Variants in TOGARAM1 observed in about 807,000 individuals in gnomAD.
TOGARAM1 encodes the protein TOG array regulator of axonemal microtubules protein 1.
Under a neutral mutation model 166.6 loss-of-function variants are expected in TOGARAM1, and 100 were observed. That is an observed-to-expected ratio of 0.60 (90% CI 0.51 to 0.71). The LOEUF (loss-of-function observed/expected upper bound fraction) is 0.71. TOGARAM1 is among the 30% of genes least tolerant of loss of function. The pLI is 0.00. For missense variants in TOGARAM1, 2,029 were observed against 2,102.7 expected (o/e 0.96, Z 0.69); for synonymous variants, 758 against 763.8 (o/e 0.99, Z 0.13).
chr14:45,039,249 C>T (rs890149372), intron 11 of TOGARAM1, among the ~76,000 whole-genome samples: 2 of 152,160 alleles, frequency 1.3e-5, no homozygotes, highest in Non-Finnish European at 2.9e-5. Flanking sequence ...CAGACTCTGG[C>T]TGAGTCCAGG....
intron 1 of TOGARAM1, among the ~76,000 whole-genome samples, chr14:44,968,215 A>T (rs898534101): frequency 1.1e-4 from 16 of 152,194 alleles, no homozygotes; most frequent in Non-Finnish European, 1.9e-4. Flanking sequence ...TGTGCAGTTT[A>T]AAAAAAGTAT....
chr14:45,056,397 A>G (rs950642681), intron 16 of TOGARAM1, among the ~76,000 whole-genome samples: 1 of 152,122 alleles, frequency 6.6e-6, no homozygotes, highest in African/African-American at 2.4e-5. Flanking sequence ...TAGGACTTAT[A>G]GTACTGTGTT....
chr14:44,991,860 G>A (rs1887152623), intron 1 of TOGARAM1, among the ~76,000 whole-genome samples: 1 of 151,580 alleles, frequency 6.6e-6, no homozygotes, highest in Admixed American at 6.6e-5. Flanking sequence ...TATTTCTATA[G>A]TTTGCATTTT....
At position 45,071,734 on chromosome 14, in the gene TOGARAM1, A is replaced by C. The variant is rs748149457; in HGVS notation, c.4992A>C (p.Pro1664=). The change falls in exon 19 of 20, where the codon CCA becomes CCC. Residue 1664 remains proline, a synonymous_variant. Coordinates refer to ENST00000361462, the MANE Select transcript of TOGARAM1 (RefSeq NM_001308120.2). ...QHVDNYLLLQ[P]FCTKAQFLNG... Reference sequence around the variant, plus strand: ...TAGACAATTACTTACTTCTACAGCCATTTTGCACAAAAGCTCAGTTTTTAA... The same window carrying C: ...TAGACAATTACTTACTTCTACAGCCCTTTTGCACAAAAGCTCAGTTTTTAA... 1 of 1,612,526 alleles carries C rather than the reference A, an allele frequency of 6.2e-7. No individual in the cohort carries two copies. Among genetic ancestry groups the C allele is most frequent in the Non-Finnish European group, 8.5e-7 (1 of 1,179,520 alleles).
intron 3 of TOGARAM1, among the ~76,000 whole-genome samples, chr14:45,003,088 A>C (rs1274571710): frequency 1.3e-5 from 2 of 152,226 alleles, no homozygotes; most frequent in Non-Finnish European, 2.9e-5. Flanking sequence ...GAGGAAACTG[A>C]AAGTTTTAAT....
At chr14:45,030,777 A>G (rs946557642) in intron 10 of TOGARAM1, among the ~76,000 whole-genome samples, 3 of 152,294 alleles carry the variant, frequency 2.0e-5, no homozygotes, top group Admixed American at 6.5e-5. Flanking sequence ...ATTCTGTCTT[A>G]TACCTCTTTA....
At chr14:44,996,941 C>T (rs1887441094) in intron 2 of TOGARAM1, 2 of 152,280 alleles carry the variant, frequency 1.3e-5, no homozygotes, top group Admixed American at 6.5e-5. Context: ...CAGGCCTCAC[C>T]TACCTCCAAC....
At chr14:45,003,878 T>C (rs1255212768) in intron 3 of TOGARAM1, among the ~76,000 whole-genome samples, 183 bp from the exon 4 acceptor site, 1 of 145,044 alleles carries the variant, frequency 6.9e-6, no homozygotes, top group Non-Finnish European at 1.5e-5. Flanking sequence ...TAAAGAAGTT[T>C]TGAATTAGAA....
chr14:45,001,832 C>G (rs1437840848), intron 3 of TOGARAM1, among the ~76,000 whole-genome samples: 1 of 152,034 alleles, frequency 6.6e-6, no homozygotes, highest in African/African-American at 2.4e-5. Flanking sequence ...TAAAAGCTAC[C>G]CTTTCAGATA....
At chr14:45,000,134 G>A (rs973782369) in intron 3 of TOGARAM1, among the ~76,000 whole-genome samples, 1 of 152,062 alleles carries the variant, frequency 6.6e-6, no homozygotes, top group African/African-American at 2.4e-5. Flanking sequence ...GACTAGCTGG[G>A]ACTACAGGTA....
intron 13 of TOGARAM1, among the ~76,000 whole-genome samples, 169 bp downstream of exon 13, chr14:45,045,039 A>T (rs540218101): frequency 6.6e-6 from 1 of 152,258 alleles, no homozygotes; most frequent in East Asian, 1.9e-4. Flanking sequence ...GAAAAGAATA[A>T]TTTTTTATTA....
At chr14:45,027,899 T>C (rs1026596853) in intron 9 of TOGARAM1, among the ~76,000 whole-genome samples, 2 of 151,998 alleles carry the variant, frequency 1.3e-5, no homozygotes, top group African/African-American at 4.8e-5. Context: ...GAAATTTTGA[T>C]TCTTAATCAT....
intron 1 of TOGARAM1, among the ~76,000 whole-genome samples, chr14:44,970,347 T>C (rs964626280): frequency 4.3e-4 from 65 of 152,322 alleles, no homozygotes; most frequent in African/African-American, 1.5e-3. Context: ...TGTTCATTGC[T>C]GGTATAGAGG....
chr14:45,021,291 G>A (rs922797255), intron 7 of TOGARAM1, among the ~76,000 whole-genome samples: 6 of 151,792 alleles, frequency 4.0e-5, no homozygotes, highest in East Asian at 1.9e-4. Context: ...CAGCAGTTGC[G>A]GGGCATATGG....
chr14:45,027,842 C>T (rs1880944331), intron 9 of TOGARAM1, among the ~76,000 whole-genome samples: 1 of 151,348 alleles, frequency 6.6e-6, no homozygotes, highest in Non-Finnish European at 1.5e-5. Flanking sequence ...CCACTGTACT[C>T]CAGCCTGGGC....
At chr14:45,051,736 T>C (rs1307835447) in intron 14 of TOGARAM1, among the ~76,000 whole-genome samples, 2 of 151,796 alleles carry the variant, frequency 1.3e-5, no homozygotes, top group African/African-American at 2.4e-5. Flanking sequence ...ATTTTTGTAT[T>C]TTTTTAGGAG....
At chr14:44,992,544 C>T (rs1425992869) in intron 1 of TOGARAM1, among the ~76,000 whole-genome samples, 1 of 151,252 alleles carries the variant, frequency 6.6e-6, no homozygotes, top group South Asian at 2.1e-4. Context: ...TGCTTTAATA[C>T]TCCCTGCCAA....
intron 5 of TOGARAM1, chr14:45,006,761 T>C (rs1275829046): frequency 1.3e-5 from 2 of 152,328 alleles, no homozygotes; most frequent in East Asian, 3.8e-4. Context: ...ACTTACGGTG[T>C]GTTTATACCA....
chr14:44,986,356 C>G (rs762524869), intron 1 of TOGARAM1, among the ~76,000 whole-genome samples: 1 of 152,138 alleles, frequency 6.6e-6, no homozygotes, highest in African/African-American at 2.4e-5. Flanking sequence ...GTGGCATAAT[C>G]ATAGCTCACT....
Sources: gnomAD v4.1 joint callset for allele counts (sites outside exome capture counted in the v4.1 genomes callset) on GRCh38, gnomAD v4.1.1 for gene constraint, MANE v1.5 for transcripts, NCBI Gene and HGNC (gene_info 2026-07-23, HGNC 2026-07-21) for gene names.